The following CSMD1 variants were observed in gnomAD, a reference collection of about 807,000 sequenced individuals.
CSMD1 encodes the protein CUB and Sushi multiple domains 1, also known as CUB and sushi domain-containing protein 1.
Under a neutral mutation model 417.5 loss-of-function variants are expected in CSMD1, and 213 were observed. That is an observed-to-expected ratio of 0.51 (90% CI 0.46 to 0.57). The LOEUF (loss-of-function observed/expected upper bound fraction) is 0.57. CSMD1 is among the 20% of genes least tolerant of loss of function. The pLI, the probability that CSMD1 is intolerant of heterozygous loss-of-function variation, is 0.00. For synonymous variants in CSMD1, 2,862 were observed against 1,736.8 expected, an observed-to-expected ratio of 1.65 and a Z score of -16.11; for missense variants, 6,923 against 4,529.7, an observed-to-expected ratio of 1.53 and a Z score of -15.17.
At chr8:4,290,855 C>G (rs923830638) in intron 3 of CSMD1, among the ~76,000 whole-genome samples, 2 of 152,128 alleles carry the variant, frequency 1.3e-5, no homozygotes, top group East Asian at 1.9e-4. Flanking sequence ...AAATATCCAT[C>G]TGTTTCTTGT....
chr8:4,592,786 T>C (rs575277386), intron 2 of CSMD1, among the ~76,000 whole-genome samples: 23 of 152,330 alleles, frequency 1.5e-4, no homozygotes, highest in Non-Finnish European at 2.9e-4. Flanking sequence ...TAAAATATTG[T>C]TTTCTAAAAT....
chr8:3,593,474 G>C (rs574695906), intron 8 of CSMD1, among the ~76,000 whole-genome samples: 1 of 152,284 alleles, frequency 6.6e-6, no homozygotes, highest in Non-Finnish European at 1.5e-5. Flanking sequence ...AGGCGGGATG[G>C]AGGAGAGATG....
intron 1 of CSMD1, among the ~76,000 whole-genome samples, chr8:4,807,047 C>A (rs1798629659): frequency 6.6e-6 from 1 of 152,274 alleles, no homozygotes; most frequent in South Asian, 2.1e-4. Flanking sequence ...ATAGACTTAT[C>A]TTGAAATAGA....
At chr8:4,882,290 G>C (rs917879281) in intron 1 of CSMD1, among the ~76,000 whole-genome samples, 1 of 151,622 alleles carries the variant, frequency 6.6e-6, no homozygotes, top group East Asian at 2.0e-4. Context: ...TCTAACTCAC[G>C]TGGCTGAATG....
chr8:4,513,662 G>A (rs776725892), intron 2 of CSMD1, among the ~76,000 whole-genome samples: 9 of 152,198 alleles, frequency 5.9e-5, no homozygotes, highest in Non-Finnish European at 1.0e-4. Flanking sequence ...CTTTGCACTT[G>A]TACTCATAAT....
At chr8:3,701,092 A>C (rs1172154382) in intron 7 of CSMD1, among the ~76,000 whole-genome samples, 2 of 151,906 alleles carry the variant, frequency 1.3e-5, no homozygotes, top group African/African-American at 4.8e-5. Flanking sequence ...CTAGGGACTG[A>C]ATGGTGGAAG....
At chr8:4,441,745 TATTGC>T (rs1798495499) in intron 2 of CSMD1, among the ~76,000 whole-genome samples, 1 of 152,178 alleles carries the variant, frequency 6.6e-6, no homozygotes, top group Non-Finnish European at 1.5e-5. Context: ...TTTACTTAAA[TATTGC>T]ATTGCAGTCC....
intron 4 of CSMD1, among the ~76,000 whole-genome samples, chr8:4,031,536 G>C (rs909356428): frequency 6.6e-6 from 1 of 152,114 alleles, no homozygotes; most frequent in Non-Finnish European, 1.5e-5. Context: ...GGGAATTGTG[G>C]GAACTACCGT....
At chr8:4,788,169 G>C (rs187177934) in intron 1 of CSMD1, 1 of 1,596,550 alleles carries the variant, frequency 6.3e-7, no homozygotes, top group African/African-American at 1.3e-5. Context: ...AATCAAGAAG[G>C]CCTGTGGAAA....
chr8:4,778,241 A>G (rs528665770), intron 1 of CSMD1, among the ~76,000 whole-genome samples: 2 of 152,232 alleles, frequency 1.3e-5, no homozygotes, highest in South Asian at 2.1e-4. Context: ...TGAATAATCT[A>G]TATCAGACAT....
At chr8:4,062,284 G>A (rs1799015164) in intron 3 of CSMD1, among the ~76,000 whole-genome samples, 1 of 152,026 alleles carries the variant, frequency 6.6e-6, no homozygotes, top group African/African-American at 2.4e-5. Flanking sequence ...ACCAAAGTTG[G>A]CAGAATAGAG....
chr8:3,962,546 G>C (rs1307111247), intron 5 of CSMD1, among the ~76,000 whole-genome samples: 2 of 152,180 alleles, frequency 1.3e-5, no homozygotes, highest in Non-Finnish European at 2.9e-5. Flanking sequence ...GGTAAGCAAA[G>C]TGTAGGGGTC....
At chr8:4,097,504 A>G (rs1208684819) in intron 3 of CSMD1, among the ~76,000 whole-genome samples, 1 of 152,162 alleles carries the variant, frequency 6.6e-6, no homozygotes, top group Non-Finnish European at 1.5e-5. Context: ...TTCCCTTTGA[A>G]TGTCTTGTTG....
intron 50 of CSMD1, among the ~76,000 whole-genome samples, chr8:3,040,152 G>A (rs76822537): frequency 1.3e-5 from 2 of 152,096 alleles, no homozygotes; most frequent in South Asian, 4.1e-4. Flanking sequence ...ATTTGGAGAA[G>A]ATGGAAAGAT....
At chr8:3,595,153 G>A (rs1031705277) in intron 8 of CSMD1, among the ~76,000 whole-genome samples, 40 of 152,120 alleles carry the variant, frequency 2.6e-4, no homozygotes, top group African/African-American at 9.2e-4. Context: ...ACAATTCACC[G>A]GATGGCCTCT....
intron 3 of CSMD1, among the ~76,000 whole-genome samples, chr8:4,356,957 C>A (rs1431001056): frequency 6.6e-6 from 1 of 152,118 alleles, no homozygotes; most frequent in Non-Finnish European, 1.5e-5. Context: ...ATAATAGCAA[C>A]TGAAAGACTT....
intron 12 of CSMD1, among the ~76,000 whole-genome samples, chr8:3,460,769 T>C (rs1049106572): frequency 1.3e-5 from 2 of 152,096 alleles, no homozygotes; most frequent in Admixed American, 6.5e-5. Context: ...TCAAAGAATA[T>C]AGGGAGATTA....
chr8:4,254,849 G>T (rs922642524), intron 3 of CSMD1, among the ~76,000 whole-genome samples: 8 of 152,124 alleles, frequency 5.3e-5, no homozygotes, highest in Admixed American at 3.3e-4. Context: ...CATCTAGGTG[G>T]TCATATGCAC....
intron 1 of CSMD1, among the ~76,000 whole-genome samples, chr8:4,847,196 C>G (rs1237828166): frequency 6.6e-6 from 1 of 152,154 alleles, no homozygotes; most frequent in Non-Finnish European, 1.5e-5. Context: ...AATCTAAGGT[C>G]TCTCACTATA....
Sources: gnomAD v4.1 joint callset for allele counts (sites outside exome capture counted in the v4.1 genomes callset) on GRCh38, gnomAD v4.1.1 for gene constraint, MANE v1.5 for transcripts, NCBI Gene and HGNC (gene_info 2026-07-23, HGNC 2026-07-21) for gene names.